Variants in ADAMTS20 observed in about 807,000 individuals in gnomAD.
ADAMTS20 encodes the protein ADAM metallopeptidase with thrombospondin type 1 motif 20.
ADAMTS20 carries 225 observed loss-of-function variants against 260.1 expected under a neutral mutation model. That is an observed-to-expected ratio of 0.87 (90% CI 0.78 to 0.97). ADAMTS20 has a LOEUF of 0.97. ADAMTS20 is among the 50% of genes least tolerant of loss of function. The pLI, the probability that ADAMTS20 is intolerant of heterozygous loss-of-function variation, is 0.00. For missense variants in ADAMTS20, 2,400 were observed against 2,337.7 expected, an observed-to-expected ratio of 1.03 and a Z score of -0.55; for synonymous variants, 802 against 769.5, an observed-to-expected ratio of 1.04 and a Z score of -0.70.
intron 6 of ADAMTS20, 63 bp downstream of exon 6, chr12:43,492,442 T>A: frequency 6.7e-7 from 1 of 1,487,018 alleles, no homozygotes; most frequent in Non-Finnish European, 9.1e-7. Context: ...TAAGAAGAAG[T>A]ATCAGTCATG....
At chr12:43,502,789 A>G (rs967448603) in intron 3 of ADAMTS20, among the ~76,000 whole-genome samples, 4 of 152,166 alleles carry the variant, frequency 2.6e-5, no homozygotes, top group African/African-American at 9.7e-5. Context: ...ATGACATTTA[A>G]TCTCATTACA....
chr12:43,477,676 C>G (rs189246375), intron 7 of ADAMTS20, among the ~76,000 whole-genome samples: 1 of 152,160 alleles, frequency 6.6e-6, no homozygotes, highest in Non-Finnish European at 1.5e-5. Context: ...TCTCTCAATA[C>G]ACAAGCATGC....
intron 29 of ADAMTS20, among the ~76,000 whole-genome samples, chr12:43,388,196 G>A (rs1195986285): frequency 1.3e-5 from 2 of 152,092 alleles, no homozygotes; most frequent in African/African-American, 4.8e-5. Flanking sequence ...GGGTTGCAAA[G>A]ACCAGGGGAA....
At chr12:43,416,608 C>T (rs1460653583) in intron 28 of ADAMTS20, among the ~76,000 whole-genome samples, 1 of 151,386 alleles carries the variant, frequency 6.6e-6, no homozygotes, top group Non-Finnish European at 1.5e-5. Flanking sequence ...ACTGCAAGCT[C>T]CGCCTCCCAG....
At chr12:43,496,211 A>G (rs1942675705) in intron 4 of ADAMTS20, among the ~76,000 whole-genome samples, 2 of 152,218 alleles carry the variant, frequency 1.3e-5, no homozygotes, top group African/African-American at 2.4e-5. Flanking sequence ...GATGTGTTCA[A>G]GTTTAAATGT....
In ADAMTS20 at chr12:43,354,469, T is replaced by C. The variant is rs73284831; in HGVS notation, c.5644-171A>G. 7.6e-3 allele frequency among the ~76,000 whole-genome samples: 1,161 copies of C among 152,284 alleles called. 16 individuals carry two copies. Among genetic ancestry groups the C allele is most frequent in the African/African-American group, 0.027 (1,115 of 41,562 alleles). On this transcript the variant is annotated intron_variant, in intron 38 of 38. Coordinates refer to ENST00000389420, the MANE Select transcript of ADAMTS20 (RefSeq NM_025003.5). ...ATATGCCTTTTGATATTAGTTCAAATTGGTGGACATGGGAAAGTTAAAGGA... is the reference window on the plus strand; with the variant it reads ...ATATGCCTTTTGATATTAGTTCAAACTGGTGGACATGGGAAAGTTAAAGGA...
At chr12:43,450,729 T>G (rs1272050375) in intron 14 of ADAMTS20, among the ~76,000 whole-genome samples, 1 of 152,150 alleles carries the variant, frequency 6.6e-6, no homozygotes, top group Non-Finnish European at 1.5e-5. Flanking sequence ...TAATTATTTT[T>G]TATCTTTTAT....
chr12:43,544,700 A>G (rs1943419819), intron 2 of ADAMTS20, among the ~76,000 whole-genome samples: 2 of 152,246 alleles, frequency 1.3e-5, no homozygotes, highest in South Asian at 2.1e-4. Context: ...AGATTAGAGT[A>G]AATCTGTGAT....
chr12:43,450,769 T>C (rs1032977412), intron 14 of ADAMTS20, among the ~76,000 whole-genome samples: 1 of 152,168 alleles, frequency 6.6e-6, no homozygotes, highest in African/African-American at 2.4e-5. Flanking sequence ...ATTGTATGTT[T>C]TTATCATGTA....
At chr12:43,538,950 A>ATTTTTT (rs1592116285) in intron 2 of ADAMTS20, among the ~76,000 whole-genome samples, 1 of 119,104 alleles carries the variant, frequency 8.4e-6, no homozygotes, top group African/African-American at 3.4e-5. Flanking sequence ...TTTTATGAAC[A>ATTTTTT]TTCTTTTTTT....
At chr12:43,537,235 G>C (rs1388219562) in intron 2 of ADAMTS20, among the ~76,000 whole-genome samples, 1 of 150,826 alleles carries the variant, frequency 6.6e-6, no homozygotes, top group South Asian at 2.1e-4. Context: ...TTGTATTTTT[G>C]GTAGAGATGG....
At chr12:43,428,219 T>C (rs1941368827) in intron 26 of ADAMTS20, 22 bp downstream of exon 26, 1 of 1,609,348 alleles carries the variant, frequency 6.2e-7, no homozygotes, top group Middle Eastern at 1.7e-4. Context: ...AGAATTAATA[T>C]AACTCAATAA....
At chr12:43,527,378 T>C (rs1279117762) in intron 3 of ADAMTS20, among the ~76,000 whole-genome samples, 1 of 151,582 alleles carries the variant, frequency 6.6e-6, no homozygotes, top group African/African-American at 2.4e-5. Context: ...AACCAGGAAA[T>C]GACATAACAA....
chr12:43,367,033 T>C (rs1940001412), intron 37 of ADAMTS20, among the ~76,000 whole-genome samples: 2 of 151,890 alleles, frequency 1.3e-5, no homozygotes, highest in Non-Finnish European at 2.9e-5. Context: ...AATACATCTA[T>C]AATAAATAAA....
At chr12:43,421,175 C>T (rs1342550085) in intron 28 of ADAMTS20, among the ~76,000 whole-genome samples, 1 of 149,054 alleles carries the variant, frequency 6.7e-6, no homozygotes, top group Non-Finnish European at 1.5e-5. Context: ...AGATTTAGTA[C>T]AGTATATATT....
intron 7 of ADAMTS20, among the ~76,000 whole-genome samples, chr12:43,485,562 T>C (rs539865499): frequency 5.3e-5 from 8 of 152,158 alleles, no homozygotes; most frequent in Admixed American, 4.6e-4. Context: ...ACTAGAAGTC[T>C]TAGCCAGAGC....
intron 3 of ADAMTS20, among the ~76,000 whole-genome samples, chr12:43,530,721 A>C (rs1025606995): frequency 8.5e-5 from 13 of 152,138 alleles, no homozygotes; most frequent in African/African-American, 3.1e-4. Flanking sequence ...CATTCTATGA[A>C]TCATGAAGAT....
At chr12:43,446,515 GA>G (rs1941763415) in intron 15 of ADAMTS20, 79 bp downstream of exon 15, 3 of 1,071,058 alleles carry the variant, frequency 2.8e-6, no homozygotes, top group South Asian at 1.4e-5. Flanking sequence ...CAGTAACAAA[GA>G]ATTACTGTTA....
In ADAMTS20 at chr12:43,512,461, A is replaced by C. The variant is rs572478612; in HGVS notation, c.614-10056T>G. ...CTGAAATATATTTATTTTAAAAATT[A>C]GTAGTGTTTCATAACATAAAAGTGT... On this transcript the variant is annotated intron_variant, in intron 3 of 38. Transcript: ENST00000389420. Among the ~76,000 whole-genome samples the C allele has an allele frequency of 4.7e-4, 71 of 152,054 alleles. 2 individuals are homozygous for C. The highest frequency in any genetic ancestry group is 1.6e-3 in the African/African-American group (66 of 41,544).
Sources: gnomAD v4.1 joint callset for allele counts (sites outside exome capture counted in the v4.1 genomes callset) on GRCh38, gnomAD v4.1.1 for gene constraint, MANE v1.5 for transcripts, NCBI Gene and HGNC (gene_info 2026-07-23, HGNC 2026-07-21) for gene names.